Variants in ATXN8OS observed in about 807,000 individuals in gnomAD.
The protein encoded by ATXN8OS is ATXN8 opposite strand lncRNA, also known as ATXN8 opposite strand (non-protein coding).
At position 70,149,545 on chromosome 13, in the gene ATXN8OS, A is replaced by G. The variant is rs1243763063; in HGVS notation, n.573+2117A>G. On this transcript the variant is annotated intron_variant and non_coding_transcript_variant, in intron 4 of 4. Coordinates refer to ENST00000678624, the Ensembl canonical transcript of ATXN8OS. ...TTCCTGGAATCCTTATTTTACACAC[A>G]TAATACGAAAATAGCTATAAAAATG... Among the ~76,000 whole-genome samples, 2 of 152,286 alleles carry G rather than the reference A, an allele frequency of 1.3e-5. 1 individual carries two copies. Among genetic ancestry groups the G allele is most frequent in the Middle Eastern group, 6.8e-3 (2 of 294 alleles).
intron 3 of ATXN8OS, among the ~76,000 whole-genome samples, chr13:70,130,334 A>G (rs945224046): frequency 2.6e-5 from 4 of 152,188 alleles, no homozygotes; most frequent in Non-Finnish European, 5.9e-5. Flanking sequence ...ATTAAGGATT[A>G]ATGTGTATAT....
chr13:70,128,921 C>T (rs570653290), intron 2 of ATXN8OS, among the ~76,000 whole-genome samples: 4 of 151,760 alleles, frequency 2.6e-5, no homozygotes, highest in East Asian at 3.9e-4. Flanking sequence ...AGTGCAGTGG[C>T]GCAATCCCAG....
At chr13:70,129,560 T>C (rs1424313826) in intron 2 of ATXN8OS, among the ~76,000 whole-genome samples, 1 of 152,152 alleles carries the variant, frequency 6.6e-6, no homozygotes, top group African/African-American at 2.4e-5. Context: ...ATGCAATATA[T>C]TTAGTTAATT....
intron 2 of ATXN8OS, among the ~76,000 whole-genome samples, chr13:70,123,759 A>C (rs1888392239): frequency 6.6e-6 from 1 of 152,092 alleles, no homozygotes; most frequent in Non-Finnish European, 1.5e-5. Flanking sequence ...GTACACAGAA[A>C]ATTCTCATAA....
chr13:70,117,267 G>GTGA (rs1888293633), intron 2 of ATXN8OS, among the ~76,000 whole-genome samples: 1 of 151,892 alleles, frequency 6.6e-6, no homozygotes, highest in Admixed American at 6.6e-5. Context: ...ACCATTTTAG[G>GTGA]TGATGAATAT....
chr13:70,137,063 A>C (rs936376011), intron 3 of ATXN8OS, among the ~76,000 whole-genome samples: 5 of 152,194 alleles, frequency 3.3e-5, no homozygotes, highest in African/African-American at 1.2e-4. Flanking sequence ...AGTTCCTTGA[A>C]GATCAACAAT....
chr13:70,130,589 GGT>G (rs955953439), intron 3 of ATXN8OS: 4 of 397,384 alleles, frequency 1.0e-5, no homozygotes, highest in African/African-American at 8.2e-5. Flanking sequence ...ACCAATGGTG[GGT>G]GTGAGTTGTG....
intron 3 of ATXN8OS, among the ~76,000 whole-genome samples, chr13:70,138,714 T>A (rs902506122): frequency 6.6e-6 from 1 of 152,108 alleles, no homozygotes; most frequent in Non-Finnish European, 1.5e-5. Context: ...TAAATACCAA[T>A]CTATACTTTC....
chr13:70,119,120 A>G (rs1189371895), intron 2 of ATXN8OS, among the ~76,000 whole-genome samples: 1 of 152,112 alleles, frequency 6.6e-6, no homozygotes, highest in East Asian at 1.9e-4. Context: ...GAAGGATTGT[A>G]AAGTCTAACT....
At chr13:70,117,010 T>C (rs1888288820) in intron 2 of ATXN8OS, among the ~76,000 whole-genome samples, 1 of 152,128 alleles carries the variant, frequency 6.6e-6, no homozygotes, top group South Asian at 2.1e-4. Context: ...CATGTTCAGG[T>C]CTTCCTCGGC....
chr13:70,167,074 T>C (rs1265678560), intron 4 of ATXN8OS, among the ~76,000 whole-genome samples: 4 of 151,968 alleles, frequency 2.6e-5, no homozygotes, highest in South Asian at 2.1e-4. Context: ...GGTGGGACTG[T>C]AAACTAGTTC....
intron 4 of ATXN8OS, among the ~76,000 whole-genome samples, chr13:70,155,115 T>G (rs962776216): frequency 2.0e-5 from 3 of 152,232 alleles, no homozygotes; most frequent in Non-Finnish European, 4.4e-5. Context: ...AAGATTCTCC[T>G]GTTTCAACCC....
chr13:70,145,231 C>T (rs899335269), intron 3 of ATXN8OS, among the ~76,000 whole-genome samples: 16 of 152,100 alleles, frequency 1.1e-4, no homozygotes, highest in Non-Finnish European at 2.1e-4. Flanking sequence ...GGTACCAGTA[C>T]CATGCTGTTT....
chr13:70,123,510 T>C (rs1476308297), intron 2 of ATXN8OS, among the ~76,000 whole-genome samples: 1 of 152,096 alleles, frequency 6.6e-6, no homozygotes, highest in Non-Finnish European at 1.5e-5. Flanking sequence ...AAGGTCACCT[T>C]GTGAAGGCAG....
intron 4 of ATXN8OS, among the ~76,000 whole-genome samples, chr13:70,155,613 C>G (rs1888926448): frequency 6.6e-6 from 1 of 152,154 alleles, no homozygotes; most frequent in African/African-American, 2.4e-5. Context: ...AAAAGAAGAT[C>G]AAGGCCAGAA....
At chr13:70,157,206 G>T (rs1888948369) in intron 4 of ATXN8OS, among the ~76,000 whole-genome samples, 1 of 151,988 alleles carries the variant, frequency 6.6e-6, no homozygotes, top group South Asian at 2.1e-4. Flanking sequence ...TATCATGAAT[G>T]AGGATAAAAA....
At chr13:70,144,121 T>A (rs1039740166) in intron 3 of ATXN8OS, among the ~76,000 whole-genome samples, 1 of 152,054 alleles carries the variant, frequency 6.6e-6, no homozygotes, top group Non-Finnish European at 1.5e-5. Flanking sequence ...AAATATTAAA[T>A]TTTAATATTT....
At position 70,139,368 on chromosome 13, in the gene ATXN8OS, ACTACTACTACTACTACTG is replaced by A. The variant is rs1209329504; in HGVS notation, n.500-7984_500-7967del. 6.0e-5 allele frequency: 38 copies of A among 630,892 alleles called. No individual in the cohort carries two copies. The African/African-American group carries it at 8.1e-4, about 13-fold the overall frequency. 39.1% of individuals were successfully genotyped at this position (630,892 alleles called of 1,614,324 possible). On this transcript the variant is annotated intron_variant and non_coding_transcript_variant, in intron 3 of 4. Transcript: ENST00000678624. ...ACCTGGCTTTACTACTACTACTACT[ACTACTACTACTACTACTG>A]CTGCTGCTGCTGCTGCTGCTGCTGC...
chr13:70,125,489 A>C (rs941411957), intron 2 of ATXN8OS, among the ~76,000 whole-genome samples: 23 of 152,310 alleles, frequency 1.5e-4, no homozygotes, highest in African/African-American at 4.6e-4. Context: ...ATGGGTACTC[A>C]AATTTCCCTA....
Sources: gnomAD v4.1 joint callset for allele counts (sites outside exome capture counted in the v4.1 genomes callset) on GRCh38, gnomAD v4.1.1 for gene constraint, MANE v1.5 for transcripts, NCBI Gene and HGNC (gene_info 2026-07-23, HGNC 2026-07-21) for gene names.